The following KAZN variants were observed in gnomAD, a reference collection of about 807,000 sequenced individuals.
KAZN encodes kazrin, periplakin interacting protein.
Under a neutral mutation model 87.4 loss-of-function variants are expected in KAZN, and 40 were observed. The observed-to-expected ratio is 0.46, with a 90% confidence interval of 0.36 to 0.60. The LOEUF is 0.60. KAZN is among the 20% of genes least tolerant of loss of function. The probability of loss-of-function intolerance (pLI) is 0.00; values close to 1 mark genes in which losing one functional copy is unlikely to be tolerated. For synonymous variants in KAZN, 466 were observed against 458.3 expected, an observed-to-expected ratio of 1.02 and a Z score of -0.22; for missense variants, 898 against 1,073.9, an observed-to-expected ratio of 0.84 and a Z score of 2.29.
intron 2 of KAZN, among the ~76,000 whole-genome samples, chr1:14,241,782 T>C (rs1648957284): frequency 6.6e-6 from 1 of 152,234 alleles, no homozygotes; most frequent in Non-Finnish European, 1.5e-5. Context: ...GAAAGAAACT[T>C]TGAATTGCTG....
chr1:14,113,177 G>A (rs1336807580), intron 1 of KAZN, among the ~76,000 whole-genome samples: 1 of 152,156 alleles, frequency 6.6e-6, no homozygotes, highest in Non-Finnish European at 1.5e-5. Flanking sequence ...CAATTTCAAG[G>A]CTGGGCAAGT....
chr1:15,009,046 C>T (rs534397488), intron 2 of KAZN, among the ~76,000 whole-genome samples: 4 of 152,344 alleles, frequency 2.6e-5, no homozygotes, highest in South Asian at 2.1e-4. Context: ...GTTTTGCACA[C>T]GAGCCCGCCC....
At chr1:14,287,184 C>T (rs1308052581) in intron 2 of KAZN, among the ~76,000 whole-genome samples, 1 of 152,160 alleles carries the variant, frequency 6.6e-6, no homozygotes, top group African/African-American at 2.4e-5. Flanking sequence ...AGTTCCATTA[C>T]CTTGACACCG....
At chr1:14,851,382 T>C (rs549912887) in intron 1 of KAZN, among the ~76,000 whole-genome samples, 16 of 152,168 alleles carry the variant, frequency 1.1e-4, no homozygotes, top group Non-Finnish European at 2.2e-4. Context: ...CTCACTCCCA[T>C]ACTGCCAGCC....
At chr1:14,731,450 G>A (rs552801086) in intron 1 of KAZN, among the ~76,000 whole-genome samples, 1 of 152,256 alleles carries the variant, frequency 6.6e-6, no homozygotes, top group African/African-American at 2.4e-5. Flanking sequence ...TTGCTCCAGG[G>A]CCCACCCTTG....
At position 15,056,250 on chromosome 1, in the gene KAZN, TCA is replaced by T; in HGVS notation, c.890_891del (p.His297ProfsTer75). The T allele has an allele frequency of 6.2e-7, 1 of 1,611,536 alleles. No individual in the cohort carries two copies. The highest frequency in any genetic ancestry group is 8.5e-7 in the Non-Finnish European group (1 of 1,178,036). On this transcript the variant is annotated frameshift_variant, in exon 5 of 15. Transcript: ENST00000376030. LOFTEE classifies it high-confidence loss of function. The surrounding 1 kb of genome is among the most constrained non-coding windows in gnomAD (Gnocchi z 5.4). ...GCAGAGTCAACAGACTCTCTACCACTCACACCCCCCTCACCCTGCGGACCGGC... is the reference window on the plus strand; with the variant it reads ...GCAGAGTCAACAGACTCTCTACCACTCACCCCCCTCACCCTGCGGACCGGC... ...IRQSQQTLYH[S>X]HPPHPADRQA... is the part of the protein sequence containing the mutation.
At chr1:14,833,685 T>C (rs1647120374) in intron 1 of KAZN, among the ~76,000 whole-genome samples, 1 of 152,086 alleles carries the variant, frequency 6.6e-6, no homozygotes, top group Non-Finnish European at 1.5e-5. Flanking sequence ...CTTGTTGATG[T>C]ACAGGTGCCC....
chr1:14,722,556 G>A (rs532254349), intron 1 of KAZN, among the ~76,000 whole-genome samples: 56 of 152,146 alleles, frequency 3.7e-4, no homozygotes, highest in Non-Finnish European at 7.9e-4. Flanking sequence ...ATTGCACTCT[G>A]GATTGGTGAT....
intron 13 of KAZN, among the ~76,000 whole-genome samples, chr1:15,106,863 T>C (rs972760463): frequency 6.6e-6 from 1 of 152,262 alleles, no homozygotes; most frequent in Admixed American, 6.5e-5. Flanking sequence ...GTGTCAGTCA[T>C]AGGACTGTTC....
intron 2 of KAZN, among the ~76,000 whole-genome samples, chr1:14,217,633 C>T (rs1480350377): frequency 6.6e-6 from 1 of 151,864 alleles, no homozygotes; most frequent in Non-Finnish European, 1.5e-5. Flanking sequence ...CAAAAAAATA[C>T]CCAAAACTAT....
At chr1:15,010,530 A>G (rs1306397707) in intron 2 of KAZN, among the ~76,000 whole-genome samples, 2 of 151,868 alleles carry the variant, frequency 1.3e-5, no homozygotes, top group Non-Finnish European at 2.9e-5. Context: ...AGCTGGGACT[A>G]CAGGCGCCCG....
chr1:14,038,480 C>T (rs2359911), intron 1 of KAZN, among the ~76,000 whole-genome samples: 133,875 of 152,126 alleles, frequency 0.88, 59,390 homozygotes, highest in Admixed American at 0.94. Flanking sequence ...AAGAATAAGC[C>T]TGGGGGAGAG....
At chr1:14,966,953 G>C (rs1285837405) in intron 2 of KAZN, among the ~76,000 whole-genome samples, 2 of 152,234 alleles carry the variant, frequency 1.3e-5, no homozygotes, top group Non-Finnish European at 1.5e-5. Context: ...ACAGGCATGA[G>C]CCACTGCACC....
intron 1 of KAZN, among the ~76,000 whole-genome samples, chr1:14,763,405 C>T (rs564358434): frequency 4.6e-5 from 7 of 152,282 alleles, no homozygotes; most frequent in Admixed American, 2.6e-4. Flanking sequence ...TGTTCTTGAC[C>T]GGCCAGGGCC....
Position 14,192,120 on chromosome 1 carries a change from A to G in KAZN, c.249+11528A>G, listed in dbSNP as rs138962278. Reference sequence around the variant, plus strand: ...CTGAGCCAATTCGTGGTACCCCCAAACATAGACATAGAGGAAACTCCACAG... The same window carrying G: ...CTGAGCCAATTCGTGGTACCCCCAAGCATAGACATAGAGGAAACTCCACAG... On this transcript the variant is annotated intron_variant, in intron 2 of 16. Transcript: ENST00000636203. 2.2e-3 allele frequency among the ~76,000 whole-genome samples: 328 copies of G among 152,276 alleles called. 10 individuals are homozygous for G. In the East Asian group the frequency reaches 0.043, roughly 20 times the overall value.
Position 15,058,768 on chromosome 1 carries a change from C to T in KAZN, c.917-1404C>T, listed in dbSNP as rs539380424. Among the ~76,000 whole-genome samples, 31 of 152,270 alleles carry T rather than the reference C, an allele frequency of 2.0e-4. No homozygotes were observed. The South Asian group carries it at 5.6e-3, about 28-fold the overall frequency. On this transcript the variant is annotated intron_variant, in intron 5 of 14. Transcript: ENST00000376030. ...AGATGCAGTGGCTCACGCCTGTAAGCCCAGCACTTTGGGAGGCTGAGGTGG... is the reference window on the plus strand; with the variant it reads ...AGATGCAGTGGCTCACGCCTGTAAGTCCAGCACTTTGGGAGGCTGAGGTGG...
chr1:14,929,876 G>A lies in KAZN; in HGVS notation c.227-30808G>A, dbSNP rs903234270. ...CCCTTGTGGCGGCTTCTATGAAGGT[G>A]GGGACTCCAGGCTTTCTCTCGTCTG... On this transcript the variant is annotated intron_variant, in intron 1 of 14. Coordinates refer to ENST00000376030, the MANE Select transcript of KAZN (RefSeq NM_201628.3). 3 of 985,338 alleles carry A rather than the reference G, an allele frequency of 3.0e-6. No homozygotes were observed. In the African/African-American group the frequency reaches 5.2e-5, roughly 17 times the overall value. 61.0% of individuals were successfully genotyped at this position (985,338 alleles called of 1,614,324 possible).
rs558715713 is a variant in KAZN at position 15,065,895 on chromosome 1, G to A, written c.1222+142G>A. 1.5e-5 allele frequency: 22 copies of A among 1,482,640 alleles called. No individual in the cohort carries two copies. In the East Asian group the frequency reaches 1.7e-4, roughly 12 times the overall value. The allele number at this position is 1,482,640 out of a possible 1,614,324, so 91.8% of individuals were successfully genotyped here. On this transcript the variant is annotated intron_variant, in intron 8 of 14. Transcript: ENST00000376030. ...GCGCGTGTGGCCGTGCGTGGGGTGCGTGTGCACGTGTGCGCTGGCACACAT... is the reference window on the plus strand; with the variant it reads ...GCGCGTGTGGCCGTGCGTGGGGTGCATGTGCACGTGTGCGCTGGCACACAT...
At chr1:14,295,380 C>G (rs994055516) in intron 2 of KAZN, among the ~76,000 whole-genome samples, 1 of 152,144 alleles carries the variant, frequency 6.6e-6, no homozygotes, top group Non-Finnish European at 1.5e-5. Context: ...AAACATGGAC[C>G]CTCCCAGCTT....
Sources: gnomAD v4.1 joint callset for allele counts (sites outside exome capture counted in the v4.1 genomes callset) on GRCh38, gnomAD v4.1.1 for gene constraint, Gnocchi (gnomAD v3.1) non-coding constraint, MANE v1.5 for transcripts, NCBI Gene and HGNC (gene_info 2026-07-23, HGNC 2026-07-21) for gene names.